FBXL20: variants seen among roughly 807,000 people sequenced by gnomAD.
FBXL20 encodes F-box and leucine rich repeat protein 20.
A neutral mutation model predicts 64.0 loss-of-function variants in FBXL20; 11 were observed. That is an observed-to-expected ratio of 0.17 (90% confidence interval 0.11 to 0.28). The LOEUF is 0.28. FBXL20 is among the 10% of genes least tolerant of loss of function. The probability of loss-of-function intolerance (pLI) is 1.00; values close to 1 mark genes in which losing one functional copy is unlikely to be tolerated. For synonymous variants in FBXL20, 184 were observed against 189.0 expected, an observed-to-expected ratio of 0.97 and a Z score of 0.22; for missense variants, 303 against 526.2, an observed-to-expected ratio of 0.58 and a Z score of 4.15.
intron 2 of FBXL20, among the ~76,000 whole-genome samples, chr17:39,315,865 GAGAGAGCAA>G (rs1231277716): frequency 7.4e-6 from 1 of 134,514 alleles, no homozygotes; most frequent in Non-Finnish European, 1.6e-5. Context: ...GAGAGAGAGA[GAGAGAGCAA>G]CTGTAGAGCG....
At chr17:39,268,740 C>A in intron 12 of FBXL20, 87 bp downstream of exon 12, 1 of 1,167,318 alleles carries the variant, frequency 8.6e-7, no homozygotes. Flanking sequence ...GTATCCTACA[C>A]TAGGGTAGGG....
intron 5 of FBXL20, among the ~76,000 whole-genome samples, chr17:39,298,562 A>T (rs2047107029): frequency 6.6e-6 from 1 of 152,106 alleles, no homozygotes; most frequent in East Asian, 1.9e-4. Context: ...CTATAAAAAA[A>T]TTTTAAAACT....
At chr17:39,339,292 T>TAC (rs1231045979) in intron 2 of FBXL20, among the ~76,000 whole-genome samples, 1 of 150,588 alleles carries the variant, frequency 6.6e-6, no homozygotes, top group African/African-American at 2.4e-5. Context: ...AACATAGCAA[T>TAC]ACCCCATCTC....
intron 2 of FBXL20, among the ~76,000 whole-genome samples, chr17:39,325,682 G>GC (rs2047402215): frequency 3.9e-5 from 6 of 152,192 alleles, no homozygotes; most frequent in African/African-American, 1.4e-4. Context: ...CCAATGTGAG[G>GC]CAACATAAAT....
intron 7 of FBXL20, among the ~76,000 whole-genome samples, chr17:39,283,149 A>G (rs917746731): frequency 6.6e-6 from 1 of 152,192 alleles, no homozygotes; most frequent in Non-Finnish European, 1.5e-5. Context: ...TCTCTAGACA[A>G]AAAATGGAAA....
intron 2 of FBXL20, among the ~76,000 whole-genome samples, chr17:39,328,192 G>A (rs940421378): frequency 7.4e-5 from 10 of 135,926 alleles, no homozygotes; most frequent in Non-Finnish European, 1.5e-4. Context: ...AGGTTACAGT[G>A]AGCCGAGATC....
intron 7 of FBXL20, among the ~76,000 whole-genome samples, chr17:39,284,301 T>C (rs1355993550): frequency 6.6e-6 from 1 of 152,218 alleles, no homozygotes; most frequent in Non-Finnish European, 1.5e-5. Flanking sequence ...CAGCAAACCG[T>C]CTTAGGTACA....
intron 2 of FBXL20, among the ~76,000 whole-genome samples, chr17:39,317,673 C>CTTTGTTTTTTTT (rs1200904472): frequency 4.0e-4 from 43 of 108,486 alleles, no homozygotes; most frequent in Non-Finnish European, 6.3e-4. Flanking sequence ...GAGAGTTTGA[C>CTTTGTTTTTTTT]TTTGTTTTTT....
At chr17:39,274,146 A>C (rs2046870904) in intron 10 of FBXL20, among the ~76,000 whole-genome samples, 1 of 152,196 alleles carries the variant, frequency 6.6e-6, no homozygotes, top group South Asian at 2.1e-4. Context: ...AAATGCTGGG[A>C]TCACAGGTGT....
chr17:39,373,476 C>T (rs1216040699), intron 1 of FBXL20, among the ~76,000 whole-genome samples: 1 of 152,166 alleles, frequency 6.6e-6, no homozygotes. Flanking sequence ...CAATTTGGCT[C>T]ACATACTGAA....
At chr17:39,329,715 A>T (rs1476620876) in intron 2 of FBXL20, among the ~76,000 whole-genome samples, 1 of 152,176 alleles carries the variant, frequency 6.6e-6, no homozygotes, top group African/African-American at 2.4e-5. Flanking sequence ...GAGGGAAAAA[A>T]GGTCGGGTAT....
chr17:39,378,333 G>A (rs1597830080), intron 1 of FBXL20, among the ~76,000 whole-genome samples: 1 of 152,130 alleles, frequency 6.6e-6, no homozygotes, highest in South Asian at 2.1e-4. Flanking sequence ...GGGCACAGAG[G>A]TGTGGTAGCT....
intron 1 of FBXL20, among the ~76,000 whole-genome samples, chr17:39,364,445 A>G (rs2047837776): frequency 6.6e-6 from 1 of 152,068 alleles, no homozygotes; most frequent in Non-Finnish European, 1.5e-5. Context: ...CTTCTCTCAA[A>G]AACAACAACA....
Position 39,255,547 on chromosome 17 carries a change from A to T in FBXL20, c.*5913T>A, listed in dbSNP as rs1417698325. On this transcript the variant is annotated 3_prime_UTR_variant, in exon 15 of 15. Transcript: ENST00000264658. ...CCTCTTATGGTACTTTCAGGCAGGT[A>T]GAATGTTTATCCTGGGCTGGGCGCA... 6.6e-6 allele frequency: 1 copy of T among 152,138 alleles called. No homozygotes were observed. The highest frequency in any genetic ancestry group is 1.5e-5 in the Non-Finnish European group (1 of 68,044). 9.4% of individuals were successfully genotyped at this position (152,138 alleles called of 1,614,324 possible).
chr17:39,370,042 G>A (rs2047899985), intron 1 of FBXL20, among the ~76,000 whole-genome samples: 3 of 152,082 alleles, frequency 2.0e-5, no homozygotes, highest in Admixed American at 1.3e-4. Context: ...GAGCCTGGGA[G>A]TGAGGCTTCA....
In FBXL20 at chr17:39,355,954, A is replaced by G. The variant is rs200072749; in HGVS notation, c.43-12713T>C. On this transcript the variant is annotated intron_variant, in intron 1 of 14. Coordinates refer to ENST00000264658, the MANE Select transcript of FBXL20 (RefSeq NM_032875.3). ...GTTTTGGGCAGGAGGGGTGGCTCAC[A>G]CCTGTAATCCCAGCACTTTGGGAAG... 7.4e-5 allele frequency among the ~76,000 whole-genome samples: 11 copies of G among 148,926 alleles called. No homozygotes were observed. The East Asian group carries it at 1.2e-3, about 16-fold the overall frequency.
At chr17:39,338,475 C>T (rs981376758) in intron 2 of FBXL20, among the ~76,000 whole-genome samples, 2 of 152,140 alleles carry the variant, frequency 1.3e-5, no homozygotes, top group African/African-American at 4.8e-5. Flanking sequence ...CTTCCCTCCA[C>T]TATTGTCCTA....
At chr17:39,351,941 A>G (rs2047691058) in intron 1 of FBXL20, among the ~76,000 whole-genome samples, 1 of 152,234 alleles carries the variant, frequency 6.6e-6, no homozygotes, top group South Asian at 2.1e-4. Flanking sequence ...TTGTTTTTCT[A>G]TAACGTACAT....
Position 39,382,268 on chromosome 17 carries a change from C to G in FBXL20, c.42+19093G>C, listed in dbSNP as rs181324679. On this transcript the variant is annotated intron_variant, in intron 1 of 14. Transcript: ENST00000264658. ...ACCATCCTGGCTAACACGGTGAAAC[C>G]CCATCTCTACTAAAAATACAAAAAA... 4.1e-3 allele frequency among the ~76,000 whole-genome samples: 624 copies of G among 151,708 alleles called. 5 individuals are homozygous for G. Among genetic ancestry groups the G allele is most frequent in the African/African-American group, 0.014 (578 of 41,358 alleles).
Sources: gnomAD v4.1 joint callset for allele counts (sites outside exome capture counted in the v4.1 genomes callset) on GRCh38, gnomAD v4.1.1 for gene constraint, MANE v1.5 for transcripts, NCBI Gene and HGNC (gene_info 2026-07-23, HGNC 2026-07-21) for gene names.